DSCAM: variants seen among roughly 807,000 people sequenced by gnomAD.
DSCAM encodes cell adhesion molecule DSCAM.
Under a neutral mutation model 217.7 loss-of-function variants are expected in DSCAM, and 47 were observed. The ratio of observed to expected loss-of-function variants is 0.22; its 90% CI spans 0.17 to 0.28. The LOEUF (loss-of-function observed/expected upper bound fraction) is 0.28, where lower values mean the gene tolerates loss of function less well. Ranked by LOEUF, DSCAM falls within the 10% of genes least tolerant of loss-of-function variation. DSCAM has a pLI of 1.00. For missense variants in DSCAM, 2,080 were observed against 2,618.3 expected (o/e 0.79, Z 4.49); for synonymous variants, 1,056 against 1,015.3 (o/e 1.04, Z -0.76).
rs2088074848 is a variant in DSCAM at position 40,012,497 on chromosome 21, A to C, written c.*537T>G. The C allele has an allele frequency of 6.6e-6, 1 of 152,248 alleles. No individual in the cohort carries two copies. The highest frequency in any genetic ancestry group is 2.4e-5 in the African/African-American group (1 of 41,446). The allele number at this position is 152,248 out of a possible 1,614,324, so 9.4% of individuals were successfully genotyped here. A position where few individuals can be genotyped will look rare whatever the true frequency, so the allele number is the denominator to read the frequency against. Reference sequence around the variant, plus strand: ...TTAAATTAAAAAAGAAACAAGAGAGAAAACCAAATTGATTCCCCCCACCCC... The same window carrying C: ...TTAAATTAAAAAAGAAACAAGAGAGCAAACCAAATTGATTCCCCCCACCCC... On this transcript the variant is annotated 3_prime_UTR_variant, in exon 33 of 33. Coordinates refer to ENST00000400454, the MANE Select transcript of DSCAM (RefSeq NM_001389.5).
chr21:40,512,672 T>G (rs2076268990), intron 3 of DSCAM, among the ~76,000 whole-genome samples: 1 of 152,106 alleles, frequency 6.6e-6, no homozygotes, highest in South Asian at 2.1e-4. Context: ...GTACCGTTGC[T>G]CAGTGAAGTT....
intron 11 of DSCAM, among the ~76,000 whole-genome samples, chr21:40,257,774 GTT>G (rs1347215960): frequency 4.6e-5 from 7 of 151,944 alleles, no homozygotes; most frequent in African/African-American, 1.7e-4. Context: ...ACTTACCCTT[GTT>G]TTTTTCTCCT....
At chr21:40,760,855 T>A (rs1485013217) in intron 1 of DSCAM, among the ~76,000 whole-genome samples, 1 of 152,154 alleles carries the variant, frequency 6.6e-6, no homozygotes, top group Non-Finnish European at 1.5e-5. Context: ...CATCCCTACC[T>A]TCCCAGCTGG....
chr21:40,451,057 C>T (rs200270285), intron 3 of DSCAM, among the ~76,000 whole-genome samples: 2 of 152,150 alleles, frequency 1.3e-5, no homozygotes, highest in Non-Finnish European at 2.9e-5. Context: ...TAAGCATGCA[C>T]GTCAGTGGAG....
chr21:40,423,349 C>CGA (rs59854604), intron 3 of DSCAM, among the ~76,000 whole-genome samples: 19,345 of 151,838 alleles, frequency 0.13, 1,608 homozygotes, highest in East Asian at 0.22. Flanking sequence ...TTATCCACAA[C>CGA]GAGAGAGAGA....
At chr21:40,328,515 C>T (rs1251427741) in intron 8 of DSCAM, among the ~76,000 whole-genome samples, 6 of 152,050 alleles carry the variant, frequency 3.9e-5, no homozygotes, top group Admixed American at 3.9e-4. Flanking sequence ...ATGGAAGGGC[C>T]TAAACTATGA....
chr21:40,689,932 C>G (rs915608593), intron 3 of DSCAM, among the ~76,000 whole-genome samples: 37 of 152,182 alleles, frequency 2.4e-4, no homozygotes, highest in Non-Finnish European at 1.5e-5. Flanking sequence ...TCCCTGAAGC[C>G]AAGAATCCCA....
intron 3 of DSCAM, among the ~76,000 whole-genome samples, chr21:40,678,654 A>G (rs1601843174): frequency 6.6e-6 from 1 of 152,298 alleles, no homozygotes; most frequent in East Asian, 1.9e-4. Context: ...CAGAAATTCT[A>G]CCATTCTTAG....
chr21:40,323,537 A>G (rs963294527), intron 8 of DSCAM, among the ~76,000 whole-genome samples: 2 of 152,200 alleles, frequency 1.3e-5, no homozygotes, highest in Non-Finnish European at 2.9e-5. Context: ...AAAAAGAAGC[A>G]AGGGAAAACG....
At chr21:40,421,152 T>C (rs1171032997) in intron 3 of DSCAM, among the ~76,000 whole-genome samples, 1 of 152,194 alleles carries the variant, frequency 6.6e-6, no homozygotes, top group South Asian at 2.1e-4. Flanking sequence ...AATTGATGTG[T>C]GTTCAAGACT....
intron 32 of DSCAM, among the ~76,000 whole-genome samples, chr21:40,028,717 G>C (rs1468061932): frequency 6.6e-6 from 1 of 152,046 alleles, no homozygotes; most frequent in Non-Finnish European, 1.5e-5. Flanking sequence ...CTCACGCACA[G>C]TGTGCGCACC....
chr21:40,815,188 C>T (rs2091870024), intron 1 of DSCAM, among the ~76,000 whole-genome samples: 1 of 152,058 alleles, frequency 6.6e-6, no homozygotes, highest in African/African-American at 2.4e-5. Context: ...AAGGTAACCC[C>T]AATCTAAAGA....
intron 8 of DSCAM, among the ~76,000 whole-genome samples, chr21:40,316,000 C>T (rs182269540): frequency 6.6e-6 from 1 of 152,120 alleles, no homozygotes; most frequent in Non-Finnish European, 1.5e-5. Flanking sequence ...AGCACATTGC[C>T]CTTAGTAGTC....
At chr21:40,674,912 C>T (rs1301017774) in intron 3 of DSCAM, among the ~76,000 whole-genome samples, 4 of 152,070 alleles carry the variant, frequency 2.6e-5, no homozygotes, top group East Asian at 3.9e-4. Flanking sequence ...TGTGAGCCAC[C>T]GCGCCCGGCC....
intron 10 of DSCAM, among the ~76,000 whole-genome samples, chr21:40,280,904 G>A (rs1184545684): frequency 6.6e-6 from 1 of 152,134 alleles, no homozygotes; most frequent in Non-Finnish European, 1.5e-5. Flanking sequence ...GGCTCCCATG[G>A]GAAGGAACTG....
rs553842405 is a variant in DSCAM, at chr21:40,164,396, G to A, written c.3018+2822C>T. The stretch of plus-strand genomic sequence containing the variant: ...GGCAAGATAAGGGGCCTGAATCCAG[G>A]TGCTGCAGCTGATGTAGGATGGCTG... On this transcript the variant is annotated intron_variant, in intron 16 of 32. Transcript: ENST00000400454. Among the ~76,000 whole-genome samples the A allele has an allele frequency of 4.1e-4, 63 of 152,278 alleles. 3 individuals carry two copies. In the South Asian group the frequency reaches 0.013, roughly 31 times the overall value.
At chr21:40,727,298 C>A (rs1392809240) in intron 1 of DSCAM, among the ~76,000 whole-genome samples, 2 of 152,082 alleles carry the variant, frequency 1.3e-5, no homozygotes, top group Non-Finnish European at 2.9e-5. Flanking sequence ...TTAGCTATGC[C>A]CCTGTTCTGG....
At chr21:40,436,599 G>A (rs2075584921) in intron 3 of DSCAM, among the ~76,000 whole-genome samples, 1 of 152,188 alleles carries the variant, frequency 6.6e-6, no homozygotes. Context: ...GACAACAGGG[G>A]TCTCACCTGA....
At chr21:40,025,932 C>G (rs1009949398) in intron 32 of DSCAM, among the ~76,000 whole-genome samples, 4 of 149,216 alleles carry the variant, frequency 2.7e-5, no homozygotes, top group African/African-American at 9.9e-5. Flanking sequence ...TGTGTTTGCT[C>G]TTGCTTTTCT....
Sources: gnomAD v4.1 joint callset for allele counts (sites outside exome capture counted in the v4.1 genomes callset) on GRCh38, gnomAD v4.1.1 for gene constraint, MANE v1.5 for transcripts, NCBI Gene and HGNC (gene_info 2026-07-23, HGNC 2026-07-21) for gene names.